The following HYDIN variants were observed in gnomAD, a reference collection of about 807,000 sequenced individuals.
HYDIN encodes HYDIN axonemal central pair apparatus protein.
Under a neutral mutation model 403.9 loss-of-function variants are expected in HYDIN, and 132 were observed. The ratio of observed to expected loss-of-function variants is 0.33; its 90% confidence interval spans 0.28 to 0.38. The LOEUF is 0.38. Among genes scored for constraint, HYDIN ranks in the 10% least tolerant of loss-of-function variants. The pLI is 1.00. For synonymous variants in HYDIN, 1,202 were observed against 1,891.7 expected (o/e 0.64, Z 9.46); for missense variants, 2,827 against 5,009.5 (o/e 0.56, Z 13.15).
chr16:70,875,048 T>C, intron 62 of HYDIN, 129 bp from the exon 63 acceptor site: 9 of 1,059,256 alleles, frequency 8.5e-6, no homozygotes, highest in Non-Finnish European at 1.2e-5. Flanking sequence ...ATTCACTTTT[T>C]TGAATTTCTT....
intron 35 of HYDIN, among the ~76,000 whole-genome samples, chr16:70,972,622 G>A (rs2078765378): frequency 6.6e-6 from 1 of 151,694 alleles, no homozygotes; most frequent in Non-Finnish European, 1.5e-5. Context: ...AGCACACTGT[G>A]TACTTTATTC....
At chr16:71,139,204 G>A (rs554166544) in intron 7 of HYDIN, among the ~76,000 whole-genome samples, 1 of 151,730 alleles carries the variant, frequency 6.6e-6, no homozygotes, top group African/African-American at 2.4e-5. Context: ...CCTATGTCTT[G>A]CAAATAACTT....
intron 5 of HYDIN, among the ~76,000 whole-genome samples, chr16:71,165,698 T>C (rs1490509896): frequency 9.2e-5 from 14 of 151,466 alleles, no homozygotes; most frequent in Admixed American, 9.2e-4. Flanking sequence ...AATCATGATA[T>C]GGGGACAGAG....
rs764555424 is a variant in HYDIN, at chr16:70,803,756, T to C, written c.*3824A>G. Among the ~76,000 whole-genome samples, 2 of 152,202 alleles carry C rather than the reference T, an allele frequency of 1.3e-5. No individual in the cohort carries two copies. Among genetic ancestry groups the C allele is most frequent in the Non-Finnish European group, 2.9e-5 (2 of 68,026 alleles). ...GGTATTAGGTAGAGGTCTTGAAATG[T>C]AGCAGGCCCTCACCAATGTTACAGT... On this transcript the variant is annotated 3_prime_UTR_variant, in exon 86 of 86. Transcript: ENST00000393567.
intron 27 of HYDIN, among the ~76,000 whole-genome samples, chr16:70,986,365 C>G (rs1289261236): frequency 1.3e-5 from 2 of 152,098 alleles, no homozygotes; most frequent in African/African-American, 4.8e-5. Flanking sequence ...TGAGGTCTGA[C>G]TGCTTCAAAG....
chr16:70,810,469 T>C (rs2035409284), intron 84 of HYDIN, among the ~76,000 whole-genome samples: 1 of 152,176 alleles, frequency 6.6e-6, no homozygotes, highest in Admixed American at 6.6e-5. Context: ...GTATTATTAG[T>C]AGAAGATTAG....
At chr16:71,179,561 T>C (rs537746677) in intron 3 of HYDIN, among the ~76,000 whole-genome samples, 1 of 152,320 alleles carries the variant, frequency 6.6e-6, no homozygotes, top group East Asian at 1.9e-4. Flanking sequence ...GGGGTAAATA[T>C]GTGGTTACTC....
intron 9 of HYDIN, among the ~76,000 whole-genome samples, chr16:71,126,464 T>C (rs749655735): frequency 4.5e-4 from 69 of 152,222 alleles, no homozygotes; most frequent in South Asian, 8.3e-4. Context: ...GAAGGAATCA[T>C]TGGTGCACGC....
intron 1 of HYDIN, among the ~76,000 whole-genome samples, chr16:71,196,001 C>A (rs570754605): frequency 6.6e-6 from 1 of 152,220 alleles, no homozygotes; most frequent in East Asian, 1.9e-4. Context: ...AAGGAAAAAA[C>A]AGAAACAGAG....
intron 18 of HYDIN, among the ~76,000 whole-genome samples, chr16:71,047,829 A>T (rs992729110): frequency 6.6e-6 from 1 of 151,764 alleles, no homozygotes; most frequent in African/African-American, 2.4e-5. Context: ...CTCCTCAGAC[A>T]TTTATCATTC....
At chr16:71,217,943 G>C (rs1340362867) in intron 1 of HYDIN, among the ~76,000 whole-genome samples, 2 of 152,128 alleles carry the variant, frequency 1.3e-5, no homozygotes, top group Non-Finnish European at 2.9e-5. Context: ...AAAATCTCCT[G>C]AATTTGTTGT....
At chr16:71,152,286 C>A (rs1281381427) in intron 7 of HYDIN, among the ~76,000 whole-genome samples, 1 of 151,848 alleles carries the variant, frequency 6.6e-6, no homozygotes, top group Non-Finnish European at 1.5e-5. Context: ...CCAAAATAAC[C>A]ATTTCCTATT....
At chr16:71,162,064 G>A (rs2086022051) in intron 6 of HYDIN, among the ~76,000 whole-genome samples, 1 of 122,664 alleles carries the variant, frequency 8.2e-6, no homozygotes, top group Non-Finnish European at 1.6e-5. Flanking sequence ...CAAGCCTCCA[G>A]AAGGGAATGC....
chr16:71,051,595 G>C (rs2081640800), intron 18 of HYDIN, among the ~76,000 whole-genome samples: 1 of 148,346 alleles, frequency 6.7e-6, no homozygotes, highest in Non-Finnish European at 1.5e-5. Flanking sequence ...GCAGTGAGCT[G>C]AGATCACGCT....
chr16:70,958,527 A>T (rs1204204534), intron 39 of HYDIN, among the ~76,000 whole-genome samples: 1 of 151,194 alleles, frequency 6.6e-6, no homozygotes, highest in Non-Finnish European at 1.5e-5. Context: ...TTTTAGTGCA[A>T]CACTAAAATG....
intron 45 of HYDIN, among the ~76,000 whole-genome samples, chr16:70,926,172 T>C (rs2077147124): frequency 6.8e-6 from 1 of 146,636 alleles, no homozygotes; most frequent in Admixed American, 6.8e-5. Flanking sequence ...GTATGTTTAT[T>C]GCGGCACTAT....
At chr16:71,081,014 G>A (rs2082769760) in intron 12 of HYDIN, 1 of 151,804 alleles carries the variant, frequency 6.6e-6, no homozygotes, top group Non-Finnish European at 1.5e-5. Context: ...AGAGCCTTCA[G>A]AAGGAAACAC....
chr16:70,955,107 G>A (rs1798335), intron 40 of HYDIN, among the ~76,000 whole-genome samples: 1 of 152,114 alleles, frequency 6.6e-6, no homozygotes, highest in Non-Finnish European at 1.5e-5. Context: ...CCCCCACCAG[G>A]TGTCAGACTT....
Position 70,974,283 on chromosome 16 carries a change from C to T in HYDIN, c.4927G>A (p.Asp1643Asn). 4 of 1,612,298 alleles carry T rather than the reference C, an allele frequency of 2.5e-6. No individual in the cohort carries two copies. Among genetic ancestry groups the T allele is most frequent in the Non-Finnish European group, 3.4e-6 (4 of 1,179,120 alleles). ...CAATGAGGTAGATTCTTTACACGAT[C>T]TAGCTCAGTACTGAATCCTGGACCA... ...LHETGFSTELDRVKNLPHCET... is the reference protein window; with the variant it reads ...LHETGFSTELNRVKNLPHCET... The change falls in exon 33 of 86, where the codon GAT becomes AAT. Residue 1643 changes from aspartate to asparagine, a missense_variant. Coordinates refer to ENST00000393567, the MANE Select transcript of HYDIN (RefSeq NM_001270974.2).
Sources: allele counts gnomAD v4.1 joint callset (sites outside exome capture counted in the v4.1 genomes callset), GRCh38; gene constraint gnomAD v4.1.1; transcripts MANE v1.5; gene names NCBI Gene and HGNC (gene_info 2026-07-23, HGNC 2026-07-21).